The following ZNF316 variants were observed in gnomAD, a reference collection of about 807,000 sequenced individuals.
ZNF316 encodes the protein zinc finger protein 316.
A neutral mutation model predicts 75.6 loss-of-function variants in ZNF316; 23 were observed. The ratio of observed to expected loss-of-function variants is 0.30; its 90% CI spans 0.22 to 0.43. The LOEUF (loss-of-function observed/expected upper bound fraction) is 0.43. Ranked by LOEUF, ZNF316 falls within the 20% of genes least tolerant of loss-of-function variation. The pLI is 1.00. For synonymous variants in ZNF316, 827 were observed against 666.2 expected, an observed-to-expected ratio of 1.24 and a Z score of -3.72; for missense variants, 1,266 against 1,409.4, an observed-to-expected ratio of 0.90 and a Z score of 1.63.
chr7:6,641,700 C>T (rs1779314733), intron 3 of ZNF316, 125 bp from the exon 4 acceptor site: 1 of 152,360 alleles, frequency 6.6e-6, no homozygotes, highest in Non-Finnish European at 1.5e-5. Context: ...CAGGCATTTC[C>T]TGTCCTCCTG....
chr7:6,646,329 G>A (rs1562580906), intron 8 of ZNF316, among the ~76,000 whole-genome samples: 1 of 152,200 alleles, frequency 6.6e-6, no homozygotes, highest in Non-Finnish European at 1.5e-5. Context: ...GATGAGTCTG[G>A]GATGTGGATG....
intron 6 of ZNF316, 24 bp downstream of exon 6, chr7:6,643,097 G>A (rs1017594737): frequency 5.7e-6 from 7 of 1,233,124 alleles, no homozygotes; most frequent in African/African-American, 3.1e-5. Context: ...TCCGTTTGGG[G>A]CTTGGGTAAC....
rs906722391 is a variant in ZNF316, at chr7:6,656,312, G to C, written c.*1701G>C. On this transcript the variant is annotated 3_prime_UTR_variant, in exon 9 of 9. Coordinates refer to ENST00000382252, the MANE Select transcript of ZNF316 (RefSeq NM_001278559.2). Reference sequence around the variant, plus strand: ...GCAAGGTGGGCTTGGGGGGCTCTGGGAATCTCAGCTCTAGCCCTGTATGGC... The same window carrying C: ...GCAAGGTGGGCTTGGGGGGCTCTGGCAATCTCAGCTCTAGCCCTGTATGGC... 6.6e-6 allele frequency: 1 copy of C among 152,208 alleles called. No homozygotes were observed. Among genetic ancestry groups the C allele is most frequent in the African/African-American group, 2.4e-5 (1 of 41,408 alleles). The allele number at this position is 152,208 out of a possible 1,614,324, so 9.4% of individuals were successfully genotyped here. A position where few individuals can be genotyped will look rare whatever the true frequency, so the allele number is the denominator to read the frequency against.
Position 6,654,420 on chromosome 7 carries a change from G to A in ZNF316, c.2824G>A (p.Ala942Thr), listed in dbSNP as rs1222095347. 1.7e-6 allele frequency: 2 copies of A among 1,209,892 alleles called. No individual in the cohort carries two copies. Among genetic ancestry groups the A allele is most frequent in the Non-Finnish European group, 1.0e-6 (1 of 974,296 alleles). The allele number at this position is 1,209,892 out of a possible 1,614,324, so 74.9% of individuals were successfully genotyped here. A position where few individuals can be genotyped will look rare whatever the true frequency, so the allele number is the denominator to read the frequency against. ...CATGAAGACGCACCGCGGAGCCACC[G>A]CAGCGCCGGGCTCGGGTTCGGCCCC... Reference protein sequence around the residue: ...THMKTHRGATAAPGSGSAPAP... With the variant: ...THMKTHRGATTAPGSGSAPAP... Residue 942 changes from alanine to threonine, a missense_variant, in exon 9 of 9, where the codon GCA (alanine) becomes ACA (threonine). Coordinates refer to ENST00000382252, the MANE Select transcript of ZNF316 (RefSeq NM_001278559.2).
chr7:6,645,557 G>A lies in ZNF316; in HGVS notation c.706+964G>A, dbSNP rs557835457. ...AAATTAGCTGGGTGTGGTGGCGTGT[G>A]CCTGTAGTCCCAGCTACTCGGGAGG... On this transcript the variant is annotated intron_variant, in intron 8 of 8. Coordinates refer to ENST00000382252, the MANE Select transcript of ZNF316 (RefSeq NM_001278559.2). Among the ~76,000 whole-genome samples, 14 of 151,944 alleles carry A rather than the reference G, an allele frequency of 9.2e-5. No homozygotes were observed. The East Asian group carries it at 9.7e-4, about 11-fold the overall frequency.
rs1409934403 is a variant in ZNF316 at position 6,643,062 on chromosome 7, G to T, written c.454G>T (p.Ala152Ser). 4 of 1,236,234 alleles carry T rather than the reference G, an allele frequency of 3.2e-6. No homozygotes were observed. The South Asian group carries it at 1.2e-4, about 38-fold the overall frequency. The allele number at this position is 1,236,234 out of a possible 1,614,324, so 76.6% of individuals were successfully genotyped here. A position where few individuals can be genotyped will look rare whatever the true frequency, so the allele number is the denominator to read the frequency against. ...TGAGGACGAGGATGATTTGCTGACG[G>T]CTGGGTGTCAGGTGAGCCGCCCTCT... Reference protein sequence around the residue: ...EDEDEDDLLTAGCQELVTFED... With the variant: ...EDEDEDDLLTSGCQELVTFED... The change falls in exon 6 of 9, where the codon GCT becomes TCT. Residue 152 changes from alanine (A) to serine (S), a missense_variant. By Grantham distance (99) the Ala-to-Ser change is moderately conservative. Transcript: ENST00000382252.
chr7:6,654,516 G>A lies in ZNF316; in HGVS notation c.2920G>A (p.Ala974Thr), dbSNP rs1562585121. The change falls in exon 9 of 9, where the codon GCC (alanine) becomes ACC (threonine). Residue 974 changes from alanine to threonine, a missense_variant. Ala to Thr is a moderately conservative substitution (Grantham distance 58). Around this residue, in one of 3 missense-constraint regions of ZNF316, gnomAD observed 111 missense variants for 99.2 expected, o/e 1.12. Coordinates refer to ENST00000382252, the MANE Select transcript of ZNF316 (RefSeq NM_001278559.2). ...TGCCGGCCCCGGTGAGCGCGGCAGCGCCCTGCTGGAGTTCGCGGGCGGCAC... is the reference window on the plus strand; with the variant it reads ...TGCCGGCCCCGGTGAGCGCGGCAGCACCCTGCTGGAGTTCGCGGGCGGCAC... ...SSAGPGERGS[A>T]LLEFAGGTSF... is the part of the protein sequence containing the mutation. 9.3e-6 allele frequency: 11 copies of A among 1,177,076 alleles called. No individual in the cohort carries two copies. Among genetic ancestry groups the A allele is most frequent in the Non-Finnish European group, 1.2e-5 (11 of 952,992 alleles). 72.9% of individuals were successfully genotyped at this position (1,177,076 alleles called of 1,614,324 possible).
rs1779591469 is a variant in ZNF316 at position 6,654,877 on chromosome 7, G to T, written c.*266G>T. 1 of 248,510 alleles carries T rather than the reference G, an allele frequency of 4.0e-6. No homozygotes were observed. Among genetic ancestry groups the T allele is most frequent in the Non-Finnish European group, 7.7e-6 (1 of 130,222 alleles). 15.4% of individuals were successfully genotyped at this position (248,510 alleles called of 1,614,324 possible). A position where few individuals can be genotyped will look rare whatever the true frequency, so the allele number is the denominator to read the frequency against. On this transcript the variant is annotated 3_prime_UTR_variant, in exon 9 of 9. Coordinates refer to ENST00000382252, the MANE Select transcript of ZNF316 (RefSeq NM_001278559.2). ...CCCACGGAGACTGCGATATCCCCTGGGTGGGCCCGGGCTGTGAAGCAGGGC... is the reference window on the plus strand; with the variant it reads ...CCCACGGAGACTGCGATATCCCCTGTGTGGGCCCGGGCTGTGAAGCAGGGC...
rs907070990 is a variant in ZNF316, at chr7:6,643,002, G to A, written c.394G>A (p.Glu132Lys). 25 of 1,237,372 alleles carry A rather than the reference G, an allele frequency of 2.0e-5. No homozygotes were observed. Among genetic ancestry groups the A allele is most frequent in the Non-Finnish European group, 2.5e-5 (25 of 991,246 alleles). 76.6% of individuals were successfully genotyped at this position (1,237,372 alleles called of 1,614,324 possible). ...ASRAPATPRD[E>K]DLEEEEEEEE... Reference sequence around the variant, plus strand: ...CCGGGCTCCAGCCACTCCTAGGGATGAGGACCTGGAGGAGGAGGAAGAGGA... The same window carrying A: ...CCGGGCTCCAGCCACTCCTAGGGATAAGGACCTGGAGGAGGAGGAAGAGGA... Residue 132 changes from glutamate (E) to lysine (K), a missense_variant, in exon 6 of 9, where the codon GAG (glutamate) becomes AAG (lysine). By Grantham distance (56) the Glu-to-Lys change is moderately conservative. Coordinates refer to ENST00000382252, the MANE Select transcript of ZNF316 (RefSeq NM_001278559.2).
chr7:6,654,336 C>A lies in ZNF316; in HGVS notation c.2740C>A (p.Pro914Thr). ...CCAGCGCACACATACGGGCGAGCGG[C>A]CCTACGCCTGCGCCAACTGCGGCCG... ...THQRTHTGER[P>T]YACANCGRRF... Residue 914 changes from proline (P) to threonine (T), a missense_variant, in exon 9 of 9, where the codon CCC becomes ACC. Pro to Thr is a conservative substitution (Grantham distance 38). Transcript: ENST00000382252. 1 of 1,222,530 alleles carries A rather than the reference C, an allele frequency of 8.2e-7. No homozygotes were observed. The highest frequency in any genetic ancestry group is 1.0e-6 in the Non-Finnish European group (1 of 981,710). 75.7% of individuals were successfully genotyped at this position (1,222,530 alleles called of 1,614,324 possible). A position where few individuals can be genotyped will look rare whatever the true frequency, so the allele number is the denominator to read the frequency against.
chr7:6,652,955 C>T lies in ZNF316; in HGVS notation c.1359C>T (p.Gly453=), dbSNP rs372507837. 1.3e-5 allele frequency: 16 copies of T among 1,243,082 alleles called. No homozygotes were observed. The highest frequency in any genetic ancestry group is 3.1e-5 in the East Asian group (1 of 31,800). 77.0% of individuals were successfully genotyped at this position (1,243,082 alleles called of 1,614,324 possible). A position where few individuals can be genotyped will look rare whatever the true frequency, so the allele number is the denominator to read the frequency against. Residue 453 remains glycine (G), a synonymous_variant, in exon 9 of 9, where the codon GGC becomes GGT. Transcript: ENST00000382252. The part of the protein sequence containing the change: ...YLVTHQRTHT[G]ERPYPCSHCG... The stretch of plus-strand genomic sequence containing the variant: ...TCACGCACCAGCGCACGCACACCGG[C>T]GAGCGACCCTACCCGTGTTCGCACT...
In ZNF316 at chr7:6,655,039, C is replaced by T. The variant is rs1321069426; in HGVS notation, c.*428C>T. ...CCACCCAGGTGGGCCAGCGGGATGC[C>T]TGGGAGGCCGGTGGGTTTGGCTGAC... On this transcript the variant is annotated 3_prime_UTR_variant, in exon 9 of 9. Transcript: ENST00000382252. 1 of 152,776 alleles carries T rather than the reference C, an allele frequency of 6.5e-6. No homozygotes were observed. The highest frequency in any genetic ancestry group is 1.5e-5 in the Non-Finnish European group (1 of 68,472). The allele number at this position is 152,776 out of a possible 1,614,324, so 9.5% of individuals were successfully genotyped here.
Position 6,650,279 on chromosome 7 carries a change from C to T in ZNF316, c.707-2024C>T, listed in dbSNP as rs150215924. On this transcript the variant is annotated intron_variant, in intron 8 of 8. Coordinates refer to ENST00000382252, the MANE Select transcript of ZNF316 (RefSeq NM_001278559.2). ...GGGGAAGGGTGGCCACTGATGGGGA[C>T]GGGGCTTTTCTTTGCTGCTCTGTGC... Among the ~76,000 whole-genome samples, 1,289 of 152,270 alleles carry T rather than the reference C, an allele frequency of 8.5e-3. 16 individuals carry two copies. Among genetic ancestry groups the T allele is most frequent in the Middle Eastern group, 0.034 (10 of 294 alleles).
chr7:6,641,423 C>T (rs911137077), intron 3 of ZNF316, among the ~76,000 whole-genome samples: 21 of 152,204 alleles, frequency 1.4e-4, no homozygotes, highest in East Asian at 9.6e-4. Flanking sequence ...GACTCATCAA[C>T]GCTATGACTC....
Position 6,652,658 on chromosome 7 carries a change from C to T in ZNF316, c.1062C>T (p.Phe354=). Residue 354 remains phenylalanine (F), a synonymous_variant, in exon 9 of 9, where the codon TTC becomes TTT. Transcript: ENST00000382252. ...CGTGCGACGTGTGCGGCAAGGTCTT[C>T]CCGCACCGCTCGCGGCTGGCCAAGC... ...ETTCDVCGKV[F]PHRSRLAKHQ... 8.1e-7 allele frequency: 1 copy of T among 1,232,076 alleles called. No homozygotes were observed. The highest frequency in any genetic ancestry group is 1.0e-6 in the Non-Finnish European group (1 of 987,826). The allele number at this position is 1,232,076 out of a possible 1,614,324, so 76.3% of individuals were successfully genotyped here.
rs543352040 is a variant in ZNF316, at chr7:6,656,645, C to A, written c.*2034C>A. Among the ~76,000 whole-genome samples, 4 of 152,350 alleles carry A rather than the reference C, an allele frequency of 2.6e-5. No homozygotes were observed. Among genetic ancestry groups the A allele is most frequent in the Non-Finnish European group, 5.9e-5 (4 of 68,034 alleles). On this transcript the variant is annotated 3_prime_UTR_variant, in exon 9 of 9. Transcript: ENST00000382252. ...CCACCGTATTCCTTGGTGGCCCCCA[C>A]GCTGCCCCACACTTGATGTAGTGTA...
intron 8 of ZNF316, among the ~76,000 whole-genome samples, chr7:6,647,681 T>C (rs1779431885): frequency 1.3e-5 from 2 of 152,172 alleles, no homozygotes; most frequent in South Asian, 4.1e-4. Flanking sequence ...GGGGCCCAGG[T>C]CAGGTTGGGC....
At chr7:6,649,553 G>A (rs2115316478) in intron 8 of ZNF316, among the ~76,000 whole-genome samples, 2 of 152,326 alleles carry the variant, frequency 1.3e-5, no homozygotes, top group African/African-American at 4.8e-5. Context: ...CCTGTTGGCT[G>A]AACACCCTCA....
At chr7:6,643,310 C>T (rs916668072) in intron 6 of ZNF316, among the ~76,000 whole-genome samples, 1 of 152,182 alleles carries the variant, frequency 6.6e-6, no homozygotes, top group Non-Finnish European at 1.5e-5. Context: ...TTGGCTGCCA[C>T]CCACTCAACC....
Sources: allele counts gnomAD v4.1 joint callset (sites outside exome capture counted in the v4.1 genomes callset), GRCh38; gene constraint gnomAD v4.1.1; regional missense constraint gnomAD v4.1.1; transcripts MANE v1.5; gene names NCBI Gene and HGNC (gene_info 2026-07-23, HGNC 2026-07-21).